The following AP3D1 variants were observed in gnomAD, a reference collection of about 807,000 sequenced individuals.
AP3D1 encodes the protein adaptor related protein complex 3 subunit delta 1.
A neutral mutation model predicts 147.6 loss-of-function variants in AP3D1; 51 were observed. That is an observed-to-expected ratio of 0.35 (90% CI 0.28 to 0.44). The LOEUF (loss-of-function observed/expected upper bound fraction) is 0.44. AP3D1 is among the 20% of genes least tolerant of loss of function. The pLI is 1.00. For missense variants in AP3D1, 1,421 were observed against 1,624.2 expected (o/e 0.87, Z 2.15); for synonymous variants, 760 against 663.0 (o/e 1.15, Z -2.25).
chr19:2,141,768 C>T (rs948704855), intron 1 of AP3D1, among the ~76,000 whole-genome samples: 2 of 150,760 alleles, frequency 1.3e-5, no homozygotes, highest in African/African-American at 4.9e-5. Context: ...GAGATAGGGT[C>T]TTCCTCTATT....
intron 9 of AP3D1, among the ~76,000 whole-genome samples, chr19:2,125,392 T>C (rs1414808006): frequency 6.6e-6 from 1 of 152,130 alleles, no homozygotes; most frequent in Non-Finnish European, 1.5e-5. Flanking sequence ...CTTGGCTCAC[T>C]GCAACCTCTG....
chr19:2,135,862 G>T (rs2019062414), intron 4 of AP3D1, among the ~76,000 whole-genome samples: 1 of 152,042 alleles, frequency 6.6e-6, no homozygotes, highest in Admixed American at 6.6e-5. Flanking sequence ...GGGTACCTAG[G>T]GCGGCTGGAG....
chr19:2,131,046 G>A (rs926157086), intron 5 of AP3D1, among the ~76,000 whole-genome samples: 1 of 152,274 alleles, frequency 6.6e-6, no homozygotes, highest in African/African-American at 2.4e-5. Flanking sequence ...ACTCTGTGAA[G>A]GCCAGCAGTC....
At chr19:2,123,131 G>T (rs561822648) in intron 11 of AP3D1, among the ~76,000 whole-genome samples, 1 of 152,376 alleles carries the variant, frequency 6.6e-6, no homozygotes, top group African/African-American at 2.4e-5. Context: ...CCCTGGGACT[G>T]GGGCTCAGAG....
intron 9 of AP3D1, among the ~76,000 whole-genome samples, chr19:2,125,383 T>C (rs1007807027): frequency 6.6e-6 from 1 of 152,152 alleles, no homozygotes; most frequent in African/African-American, 2.4e-5. Flanking sequence ...CGGCACAATC[T>C]TGGCTCACTG....
intron 4 of AP3D1, among the ~76,000 whole-genome samples, chr19:2,135,143 G>C (rs558762814): frequency 1.9e-4 from 29 of 152,308 alleles, no homozygotes; most frequent in Admixed American, 1.6e-3. Context: ...AGAGGTTGCA[G>C]TGAGCCAAGA....
intron 1 of AP3D1, among the ~76,000 whole-genome samples, chr19:2,146,252 A>AC (rs2019353231): frequency 6.6e-6 from 1 of 152,206 alleles, no homozygotes; most frequent in Non-Finnish European, 1.5e-5. Context: ...TTAAGTGATA[A>AC]AACTACAAGC....
intron 1 of AP3D1, among the ~76,000 whole-genome samples, chr19:2,158,162 TCTC>T (rs1273252929): frequency 6.6e-6 from 1 of 151,920 alleles, no homozygotes; most frequent in African/African-American, 2.4e-5. Context: ...TTCACGCCAT[TCTC>T]CTGCCTCAGC....
intron 1 of AP3D1, among the ~76,000 whole-genome samples, chr19:2,163,079 T>G (rs943492319): frequency 5.9e-5 from 9 of 152,096 alleles, no homozygotes; most frequent in African/African-American, 2.2e-4. Flanking sequence ...ATTAATTAAT[T>G]AATTATTTTT....
chr19:2,117,223 C>T lies in AP3D1; in HGVS notation c.1858G>A (p.Gly620Ser), dbSNP rs2018481411. The T allele has an allele frequency of 6.2e-7, 1 of 1,606,562 alleles. No individual in the cohort carries two copies. Reference sequence around the variant, plus strand: ...ATGCCCCCACCCCCGTATCCTTACCCTTCGGGGACTGGAACCTTCTTCTGG... The same window carrying T: ...ATGCCCCCACCCCCGTATCCTTACCTTTCGGGGACTGGAACCTTCTTCTGG... ...KAQKKVPVPE[G>S]LDLDAWINEP... Residue 620 changes from glycine (G) to serine (S), a missense_variant and splice_region_variant, in exon 16 of 32, where the codon GGC becomes AGC. Transcript: ENST00000643116.
Position 2,114,133 on chromosome 19 carries a change from CCTTCTCCTTCTTCTT to C in AP3D1, c.2578_2592del (p.Lys860_Lys864del). ...CTGGGCACTAGCCTTACCTTCTTCT[CCTTCTCCTTCTTCTT>C]CTCCTTGTCTCTCTCTTTCTCTTTG... On this transcript the variant is annotated inframe_deletion, in exon 22 of 32. Transcript: ENST00000643116. 6.5e-7 allele frequency: 1 copy of C among 1,540,182 alleles called. No individual in the cohort carries two copies. Among genetic ancestry groups the C allele is most frequent in the Non-Finnish European group, 8.8e-7 (1 of 1,135,418 alleles).
rs1419038832 is a variant in AP3D1 at position 2,147,013 on chromosome 19, T to A, written c.96+4226A>T. Among the ~76,000 whole-genome samples, 9 of 148,524 alleles carry A rather than the reference T, an allele frequency of 6.1e-5. No homozygotes were observed. The East Asian group carries it at 1.6e-3, about 26-fold the overall frequency. ...CACAGTGGTGAGGGGCAGACGCTGA[T>A]CTAGTGGAATGACTGACGTTATTAA... On this transcript the variant is annotated intron_variant, in intron 1 of 31. Coordinates refer to ENST00000643116, the MANE Select transcript of AP3D1 (RefSeq NM_001261826.3).
In AP3D1 at chr19:2,118,606, C is replaced by G; in HGVS notation, c.1708G>C (p.Glu570Gln). 6.2e-7 allele frequency: 1 copy of G among 1,608,576 alleles called. No homozygotes were observed. The highest frequency in any genetic ancestry group is 1.1e-5 in the South Asian group (1 of 91,012). The part of the protein sequence containing the change: ...FVQSADLEVQ[E>Q]RASCILQLVK... ...CACGGAGTGTTGGATCTTACCCGCTCCTGCACCTCCAGGTCTGCGCTCTGC... is the reference window on the plus strand; with the variant it reads ...CACGGAGTGTTGGATCTTACCCGCTGCTGCACCTCCAGGTCTGCGCTCTGC... Residue 570 changes from glutamate to glutamine, a missense_variant, in exon 15 of 32, where the codon GAG becomes CAG. Around this residue, in one of 6 missense-constraint regions of AP3D1, gnomAD observed 310 missense variants for 388.1 expected, o/e 0.80. Transcript: ENST00000643116.
At chr19:2,112,829 T>A in intron 24 of AP3D1, 31 bp downstream of exon 24, 1 of 1,565,736 alleles carries the variant, frequency 6.4e-7, no homozygotes, top group Non-Finnish European at 8.7e-7. Flanking sequence ...CATGCAGCCC[T>A]CCACAGCCCC....
chr19:2,114,031 C>T, intron 22 of AP3D1, 94 bp downstream of exon 22: 2 of 1,470,836 alleles, frequency 1.4e-6, no homozygotes, highest in Non-Finnish European at 1.8e-6. Context: ...GACTCAGACT[C>T]ACAGCCATTT....
chr19:2,129,241 C>T, intron 7 of AP3D1, 77 bp downstream of exon 7: 2 of 1,611,190 alleles, frequency 1.2e-6, no homozygotes, highest in Non-Finnish European at 1.7e-6. Flanking sequence ...CCTCGGTCAC[C>T]CGCAGGGAAT....
upstream of AP3D1, among the ~76,000 whole-genome samples, chr19:2,155,009 G>A (rs1018681391): frequency 6.6e-6 from 1 of 151,968 alleles, no homozygotes. Flanking sequence ...GTGAAACCCT[G>A]ACTCTATTAA....
At chr19:2,135,968 C>T (rs1435232795) in intron 4 of AP3D1, among the ~76,000 whole-genome samples, 1 of 151,958 alleles carries the variant, frequency 6.6e-6, no homozygotes, top group South Asian at 2.1e-4. Context: ...ACCTGCTACA[C>T]GGCCACGACC....
upstream of AP3D1, among the ~76,000 whole-genome samples, chr19:2,154,099 C>G (rs1171515948): frequency 6.6e-6 from 1 of 151,944 alleles, no homozygotes; most frequent in African/African-American, 2.4e-5. Context: ...AGCTGCCCAC[C>G]ACCACCTCCA....
Sources: gnomAD v4.1 joint callset for allele counts (sites outside exome capture counted in the v4.1 genomes callset) on GRCh38, gnomAD v4.1.1 for gene constraint, gnomAD v4.1.1 regional missense constraint, MANE v1.5 for transcripts, NCBI Gene and HGNC (gene_info 2026-07-23, HGNC 2026-07-21) for gene names.